The following AGBL4 variants were observed in gnomAD, a reference collection of about 807,000 sequenced individuals.
The protein encoded by AGBL4 is cytosolic carboxypeptidase 6.
A neutral mutation model predicts 66.4 loss-of-function variants in AGBL4; 58 were observed. That is an observed-to-expected ratio of 0.87 (90% CI 0.71 to 1.09). AGBL4 has a LOEUF of 1.09. Among genes scored for constraint, AGBL4 ranks in the 50% least tolerant of loss-of-function variants. AGBL4 has a pLI of 0.00. For synonymous variants in AGBL4, 234 were observed against 222.9 expected (o/e 1.05, Z -0.44); for missense variants, 579 against 631.0 (o/e 0.92, Z 0.88).
intron 4 of AGBL4, among the ~76,000 whole-genome samples, chr1:49,117,262 G>A (rs1346711898): frequency 1.3e-5 from 2 of 152,160 alleles, no homozygotes; most frequent in African/African-American, 4.8e-5. Context: ...TGTTGCCATT[G>A]CTTTTGGTGT....
chr1:48,694,766 A>G (rs557463977), intron 6 of AGBL4, among the ~76,000 whole-genome samples: 64 of 152,218 alleles, frequency 4.2e-4, no homozygotes, highest in Non-Finnish European at 5.4e-4. Context: ...CCATCTAGCA[A>G]GACCCCTTGA....
intron 3 of AGBL4, among the ~76,000 whole-genome samples, chr1:49,251,025 A>C (rs1423835152): frequency 6.6e-6 from 1 of 152,142 alleles, no homozygotes; most frequent in Non-Finnish European, 1.5e-5. Context: ...TGATCTTTGC[A>C]GGACAGTCTT....
At chr1:49,679,843 T>C (rs1646653967) in intron 3 of AGBL4, among the ~76,000 whole-genome samples, 2 of 152,154 alleles carry the variant, frequency 1.3e-5, no homozygotes, top group Non-Finnish European at 2.9e-5. Flanking sequence ...GCAGAAATTT[T>C]ACATCTCTTT....
In AGBL4 at chr1:49,066,277, G is replaced by A. The variant is rs559594133; in HGVS notation, c.378-20477C>T. Among the ~76,000 whole-genome samples the A allele has an allele frequency of 1.1e-3, 175 of 152,294 alleles. 3 individuals carry two copies. The South Asian group carries it at 0.016, about 14-fold the overall frequency. ...CTTAAAAATGAGTCCCACTTGGCTG[G>A]GCACGGTGGCTCATGCCTATAATCC... On this transcript the variant is annotated intron_variant, in intron 4 of 13. Coordinates refer to ENST00000371839, the MANE Select transcript of AGBL4 (RefSeq NM_032785.4).
In AGBL4 at chr1:49,299,833, G is replaced by GT. The variant is rs1001577240; in HGVS notation, c.283-53970dup. ...TTTCTTTCTATTCCTAGTTTTCTGA[G>GT]TTTTTTTTTCTTTTAAATCATGAAT... On this transcript the variant is annotated intron_variant, in intron 3 of 13. Coordinates refer to ENST00000371839, the MANE Select transcript of AGBL4 (RefSeq NM_032785.4). Among the ~76,000 whole-genome samples, 24 of 151,146 alleles carry GT rather than the reference G, an allele frequency of 1.6e-4. No homozygotes were observed. The East Asian group carries it at 1.8e-3, about 11-fold the overall frequency.
intron 4 of AGBL4, among the ~76,000 whole-genome samples, chr1:49,239,840 T>A (rs1651077463): frequency 1.3e-5 from 2 of 151,926 alleles, no homozygotes; most frequent in Admixed American, 6.6e-5. Flanking sequence ...AGACAGATAA[T>A]AAATAAATAA....
At chr1:48,625,042 A>T (rs996941771) in intron 9 of AGBL4, among the ~76,000 whole-genome samples, 8 of 151,946 alleles carry the variant, frequency 5.3e-5, no homozygotes, top group African/African-American at 1.9e-4. Context: ...TGAGTAGCTA[A>T]GACTTAAAGG....
chr1:49,974,076 C>T (rs1658364087), intron 1 of AGBL4, among the ~76,000 whole-genome samples: 1 of 151,976 alleles, frequency 6.6e-6, no homozygotes, highest in African/African-American at 2.4e-5. Context: ...TAAGTGGACT[C>T]TTTAAAACAC....
intron 1 of AGBL4, among the ~76,000 whole-genome samples, chr1:50,014,713 C>T (rs1417738605): frequency 4.6e-5 from 7 of 151,754 alleles, no homozygotes; most frequent in African/African-American, 1.2e-4. Context: ...CTAGTAGAGA[C>T]GGGGATTCAC....
intron 9 of AGBL4, among the ~76,000 whole-genome samples, chr1:48,622,475 ATTTTTTT>A (rs35455455): frequency 2.8e-5 from 2 of 71,832 alleles, no homozygotes; most frequent in Admixed American, 1.9e-4. Context: ...ATTCAAATAC[ATTTTTTT>A]TTTTTTTTTT....
At chr1:49,016,060 A>T (rs1662798509) in intron 5 of AGBL4, among the ~76,000 whole-genome samples, 1 of 152,168 alleles carries the variant, frequency 6.6e-6, no homozygotes, top group African/African-American at 2.4e-5. Context: ...ACAAGATTCA[A>T]AAAGTGAGTA....
chr1:49,952,970 ATATTTCTGAAAACCAACCTC>A (rs1458745326), intron 1 of AGBL4, among the ~76,000 whole-genome samples: 1 of 151,970 alleles, frequency 6.6e-6, no homozygotes, highest in Non-Finnish European at 1.5e-5. Context: ...TGTCTCTGAG[ATATTTCTGAAAACCAACCTC>A]CATGAGTAGT....
chr1:48,764,478 A>G (rs1644432666), intron 6 of AGBL4, among the ~76,000 whole-genome samples: 1 of 152,200 alleles, frequency 6.6e-6, no homozygotes, highest in Non-Finnish European at 1.5e-5. Flanking sequence ...ATAGAAGCCA[A>G]ATGGGGAAGG....
intron 4 of AGBL4, among the ~76,000 whole-genome samples, chr1:49,220,809 C>T (rs1649436692): frequency 6.6e-6 from 1 of 152,152 alleles, no homozygotes. Flanking sequence ...GGCTCTGCTT[C>T]TTCATCTTTA....
chr1:48,557,051 A>G (rs1644331447), intron 11 of AGBL4, among the ~76,000 whole-genome samples: 1 of 152,050 alleles, frequency 6.6e-6, no homozygotes, highest in Non-Finnish European at 1.5e-5. Flanking sequence ...CGGCCTTTCA[A>G]ACTGCTGGGA....
At chr1:49,616,798 C>T (rs1234345398) in intron 3 of AGBL4, among the ~76,000 whole-genome samples, 1 of 152,142 alleles carries the variant, frequency 6.6e-6, no homozygotes, top group Admixed American at 6.5e-5. Flanking sequence ...TGATGCCATC[C>T]TTGACTCATT....
chr1:49,808,740 A>G (rs1234697564), intron 2 of AGBL4, among the ~76,000 whole-genome samples: 1 of 152,194 alleles, frequency 6.6e-6, no homozygotes, highest in Non-Finnish European at 1.5e-5. Context: ...TTCCTAACAT[A>G]GTAGAAACTA....
chr1:49,160,685 G>A (rs1055155486), intron 4 of AGBL4, among the ~76,000 whole-genome samples: 7 of 152,316 alleles, frequency 4.6e-5, no homozygotes, highest in African/African-American at 1.7e-4. Flanking sequence ...TTCCCAGGGA[G>A]ATAGGGGTTT....
chr1:49,281,442 A>T (rs1188266161), intron 3 of AGBL4, among the ~76,000 whole-genome samples: 1 of 152,182 alleles, frequency 6.6e-6, no homozygotes, highest in East Asian at 1.9e-4. Flanking sequence ...TGGTTTGAAC[A>T]TTCTGCCAGT....
Sources: allele counts gnomAD v4.1 joint callset (sites outside exome capture counted in the v4.1 genomes callset), GRCh38; gene constraint gnomAD v4.1.1; transcripts MANE v1.5; gene names NCBI Gene and HGNC (gene_info 2026-07-23, HGNC 2026-07-21).